The following LPP variants were observed in gnomAD, a reference collection of about 807,000 sequenced individuals.
LPP encodes the protein LIM domain containing preferred translocation partner in lipoma, also known as lipoma-preferred partner.
LPP carries 38 observed loss-of-function variants against 60.4 expected under a neutral mutation model. That is an observed-to-expected ratio of 0.63 (90% confidence interval 0.49 to 0.83). The LOEUF (loss-of-function observed/expected upper bound fraction) is 0.83. Among genes scored for constraint, LPP ranks in the 40% least tolerant of loss-of-function variants. The pLI is 0.00. For missense variants in LPP, 902 were observed against 783.6 expected (o/e 1.15, Z -1.80); for synonymous variants, 328 against 290.8 (o/e 1.13, Z -1.30).
intron 4 of LPP, among the ~76,000 whole-genome samples, chr3:188,469,832 G>T (rs779490681): frequency 3.0e-4 from 45 of 152,206 alleles, no homozygotes; most frequent in South Asian, 8.3e-4. Flanking sequence ...TGTGAAGAAT[G>T]TGTTTCTGGG....
chr3:188,676,339 T>A (rs1858087009), intron 7 of LPP, among the ~76,000 whole-genome samples: 2 of 152,142 alleles, frequency 1.3e-5, no homozygotes, highest in Admixed American at 1.3e-4. Context: ...TTAAGTGTTT[T>A]CAATAGTCTA....
At position 188,476,597 on chromosome 3, in the gene LPP, A is replaced by G. The variant is rs562420359; in HGVS notation, c.194-7995A>G. ...ATGAGAATGCTGGTTTCCCTATACT[A>G]TTATCAATTCTGTGTTTTATCAATA... On this transcript the variant is annotated intron_variant, in intron 4 of 11. Coordinates refer to ENST00000617246, the MANE Select transcript of LPP (RefSeq NM_001375462.1). Among the ~76,000 whole-genome samples the G allele has an allele frequency of 2.0e-5, 3 of 152,278 alleles. No homozygotes were observed. In the South Asian group the frequency reaches 6.2e-4, roughly 32 times the overall value.
chr3:188,205,543 A>C (rs949900992), intron 1 of LPP, among the ~76,000 whole-genome samples: 12 of 152,144 alleles, frequency 7.9e-5, no homozygotes, highest in Admixed American at 3.3e-4. Flanking sequence ...CGGCCTCCCA[A>C]AGTGCTGGGA....
At chr3:188,209,323 G>C (rs1734093407) in intron 1 of LPP, among the ~76,000 whole-genome samples, 1 of 152,166 alleles carries the variant, frequency 6.6e-6, no homozygotes. Context: ...TTTAATAAAA[G>C]GTAGAACACA....
chr3:188,359,740 G>T (rs1288222428), intron 3 of LPP, among the ~76,000 whole-genome samples: 1 of 152,086 alleles, frequency 6.6e-6, no homozygotes, highest in East Asian at 1.9e-4. Context: ...CTTTTCCCTT[G>T]TTCCTTTCCC....
At chr3:188,386,498 T>TA (rs1209433726) in intron 3 of LPP, among the ~76,000 whole-genome samples, 2 of 152,214 alleles carry the variant, frequency 1.3e-5, no homozygotes, top group Admixed American at 6.5e-5. Context: ...AAACTGACTG[T>TA]GGTTATCCAT....
intron 2 of LPP, among the ~76,000 whole-genome samples, chr3:188,252,131 T>C (rs1190203431): frequency 8.3e-6 from 1 of 120,838 alleles, no homozygotes; most frequent in Non-Finnish European, 1.7e-5. Context: ...GTGCTTTCCC[T>C]CCTCTCAGTA....
At chr3:188,399,176 G>GT (rs1781658443) in intron 3 of LPP, among the ~76,000 whole-genome samples, 1 of 152,138 alleles carries the variant, frequency 6.6e-6, no homozygotes, top group South Asian at 2.1e-4. Context: ...TCATGGCGGA[G>GT]CCAAGACTAG....
At chr3:188,619,107 C>T (rs1235316829) in intron 7 of LPP, among the ~76,000 whole-genome samples, 4 of 152,176 alleles carry the variant, frequency 2.6e-5, no homozygotes, top group Non-Finnish European at 5.9e-5. Context: ...TCACTGCAAC[C>T]TCTGCCTCCC....
At chr3:188,828,753 G>C (rs74420351) in intron 9 of LPP, among the ~76,000 whole-genome samples, 2,293 of 151,858 alleles carry the variant, frequency 0.015, 63 homozygotes, top group African/African-American at 0.051. Context: ...ATCTCCTTGG[G>C]TTGTTGCAGG....
chr3:188,452,889 C>T (rs536827476), intron 4 of LPP, among the ~76,000 whole-genome samples: 1 of 152,178 alleles, frequency 6.6e-6, no homozygotes, highest in South Asian at 2.1e-4. Flanking sequence ...ATATCTCTTT[C>T]TCGTACTATT....
rs150814675 is a variant in LPP at position 188,177,931 on chromosome 3, A to G, written c.-190+23679A>G. Among the ~76,000 whole-genome samples the G allele has an allele frequency of 7.2e-5, 11 of 152,314 alleles. No individual in the cohort carries two copies. In the East Asian group the frequency reaches 1.9e-3, roughly 27 times the overall value. On this transcript the variant is annotated intron_variant, in intron 1 of 11. Coordinates refer to ENST00000617246, the MANE Select transcript of LPP (RefSeq NM_001375462.1). ...ATGTGACGATGTGCATAAGTGTGTC[A>G]TGTTCAAGATGGTTCTAAGCCCTGG...
chr3:188,718,520 G>T (rs1391142763), intron 8 of LPP, among the ~76,000 whole-genome samples: 1 of 152,134 alleles, frequency 6.6e-6, no homozygotes, highest in African/African-American at 2.4e-5. Flanking sequence ...TTATTCAAAA[G>T]AAACAAAAGA....
chr3:188,764,040 T>G (rs879913202), intron 9 of LPP, among the ~76,000 whole-genome samples: 1 of 152,160 alleles, frequency 6.6e-6, no homozygotes, highest in Admixed American at 6.5e-5. Context: ...CATTATGTCT[T>G]AGTTATTTTA....
At chr3:188,869,417 A>C (rs1767492308) in intron 10 of LPP, among the ~76,000 whole-genome samples, 1 of 152,074 alleles carries the variant, frequency 6.6e-6, no homozygotes, top group South Asian at 2.1e-4. Flanking sequence ...CAGCCTCCCA[A>C]GTAGCTTGGA....
At position 188,609,087 on chromosome 3, in the gene LPP, T is replaced by C; in HGVS notation, c.430-74T>C. The C allele has an allele frequency of 9.5e-7, 1 of 1,057,848 alleles. No homozygotes were observed. The highest frequency in any genetic ancestry group is 2.4e-5 in the East Asian group (1 of 40,916). 65.5% of individuals were successfully genotyped at this position (1,057,848 alleles called of 1,614,324 possible). The stretch of plus-strand genomic sequence containing the variant: ...ATTAGCAGTTATTAATATTTTTCAT[T>C]TATTCATTTTTATTGAGTTTCGTTG... On this transcript the variant is annotated intron_variant, in intron 6 of 11. Coordinates refer to ENST00000617246, the MANE Select transcript of LPP (RefSeq NM_001375462.1). This position sits in a 1 kb window ranked among gnomAD's most constrained non-coding sequence, Gnocchi z 6.9.
At chr3:188,251,773 A>G (rs1729722854) in intron 2 of LPP, among the ~76,000 whole-genome samples, 1 of 151,922 alleles carries the variant, frequency 6.6e-6, no homozygotes, top group African/African-American at 2.4e-5. Context: ...TCTTTCCCCT[A>G]TATCCCAATG....
intron 2 of LPP, among the ~76,000 whole-genome samples, chr3:188,324,909 G>A (rs1471465488): frequency 6.6e-6 from 1 of 152,150 alleles, no homozygotes; most frequent in Non-Finnish European, 1.5e-5. Flanking sequence ...AGCATCTGTA[G>A]AAATGTTTGA....
chr3:188,236,530 C>T (rs781396074), intron 2 of LPP, among the ~76,000 whole-genome samples: 7 of 152,084 alleles, frequency 4.6e-5, no homozygotes, highest in Non-Finnish European at 7.3e-5. Context: ...ATAGTTGCAA[C>T]AACCAGTAAG....
Sources: gnomAD v4.1 joint callset for allele counts (sites outside exome capture counted in the v4.1 genomes callset) on GRCh38, gnomAD v4.1.1 for gene constraint, Gnocchi (gnomAD v3.1) non-coding constraint, MANE v1.5 for transcripts, NCBI Gene and HGNC (gene_info 2026-07-23, HGNC 2026-07-21) for gene names.